Variants in FHIT observed in about 807,000 individuals in gnomAD.
The protein encoded by FHIT is bis(5'-adenosyl)-triphosphatase.
A neutral mutation model predicts 17.9 loss-of-function variants in FHIT; 19 were observed. The observed-to-expected ratio is 1.06, with a 90% CI of 0.74 to 1.56. The LOEUF (loss-of-function observed/expected upper bound fraction) is 1.56, where lower values mean the gene tolerates loss of function less well. FHIT is among the 40% of genes most tolerant of loss of function. The pLI is 0.00. For synonymous variants in FHIT, 81 were observed against 69.7 expected, an observed-to-expected ratio of 1.16 and a Z score of -0.81; for missense variants, 248 against 189.2, an observed-to-expected ratio of 1.31 and a Z score of -1.82.
chr3:60,560,799 GGA>G (rs1473205349), intron 4 of FHIT, among the ~76,000 whole-genome samples: 9 of 114,956 alleles, frequency 7.8e-5, no homozygotes, highest in African/African-American at 3.1e-4. Flanking sequence ...ACTGATGTAA[GGA>G]GACACACACA....
At chr3:60,456,945 G>C (rs888443008) in intron 5 of FHIT, among the ~76,000 whole-genome samples, 15 of 152,058 alleles carry the variant, frequency 9.9e-5, no homozygotes, top group African/African-American at 9.7e-5. Context: ...ACAAACAAAT[G>C]GAAGAACATT....
intron 4 of FHIT, among the ~76,000 whole-genome samples, chr3:60,742,941 C>A (rs1403831266): frequency 6.6e-6 from 1 of 152,202 alleles, no homozygotes; most frequent in Admixed American, 6.5e-5. Context: ...ACCTACTGAC[C>A]ATATTCATCC....
At chr3:60,731,861 TG>T (rs1338871311) in intron 4 of FHIT, among the ~76,000 whole-genome samples, 5 of 152,194 alleles carry the variant, frequency 3.3e-5, no homozygotes, top group Admixed American at 6.5e-5. Context: ...TGGTGGGATG[TG>T]GGGTGTCCCT....
intron 8 of FHIT, among the ~76,000 whole-genome samples, chr3:59,904,098 G>A (rs1409884014): frequency 8.6e-5 from 11 of 127,356 alleles, no homozygotes; most frequent in South Asian, 5.1e-4. Context: ...CCCCGCCCCC[G>A]GACAGCCAGT....
intron 3 of FHIT, among the ~76,000 whole-genome samples, chr3:61,040,169 A>G (rs953949034): frequency 6.6e-6 from 1 of 152,232 alleles, no homozygotes; most frequent in African/African-American, 2.4e-5. Context: ...TTCTCAAAAG[A>G]AAGCAAATGT....
intron 4 of FHIT, among the ~76,000 whole-genome samples, chr3:60,813,552 C>T (rs1408701978): frequency 4.6e-5 from 7 of 152,006 alleles, no homozygotes; most frequent in South Asian, 4.1e-4. Context: ...GAAGCAAACA[C>T]GTGTTGTAAA....
intron 5 of FHIT, among the ~76,000 whole-genome samples, chr3:60,222,516 C>G (rs1014059009): frequency 2.0e-4 from 31 of 152,166 alleles, no homozygotes; most frequent in Admixed American, 1.5e-3. Context: ...AAAGGCCAGG[C>G]AGGGTGGCTC....
intron 5 of FHIT, among the ~76,000 whole-genome samples, chr3:60,255,831 G>T (rs888429212): frequency 2.0e-5 from 3 of 151,730 alleles, no homozygotes; most frequent in African/African-American, 7.3e-5. Flanking sequence ...CTCCAGCCTG[G>T]GCAACAGAGC....
chr3:61,072,923 GA>G (rs1263272677), intron 2 of FHIT, among the ~76,000 whole-genome samples: 1 of 152,074 alleles, frequency 6.6e-6, no homozygotes, highest in African/African-American at 2.4e-5. Context: ...TAACAAGAAA[GA>G]AAGGGGTAAA....
At chr3:60,247,665 G>C (rs1559759418) in intron 5 of FHIT, among the ~76,000 whole-genome samples, 1 of 152,030 alleles carries the variant, frequency 6.6e-6, no homozygotes, top group Non-Finnish European at 1.5e-5. Context: ...TTTATGAATT[G>C]AACCAATGGC....
intron 5 of FHIT, among the ~76,000 whole-genome samples, chr3:60,073,165 C>G (rs1367017610): frequency 6.6e-6 from 1 of 151,972 alleles, no homozygotes; most frequent in African/African-American, 2.4e-5. Context: ...GCTTGCTAAC[C>G]ATACAGGTAA....
At chr3:60,164,540 T>C (rs112461087) in intron 5 of FHIT, among the ~76,000 whole-genome samples, 2 of 152,196 alleles carry the variant, frequency 1.3e-5, no homozygotes, top group African/African-American at 4.8e-5. Context: ...AGAGGCCCTT[T>C]TGACATTCCA....
At chr3:59,916,693 T>G (rs1205960140) in intron 8 of FHIT, among the ~76,000 whole-genome samples, 1 of 152,218 alleles carries the variant, frequency 6.6e-6, no homozygotes, top group Non-Finnish European at 1.5e-5. Flanking sequence ...CCCAGCTTTC[T>G]CATTACTAAA....
rs1217798965 is a variant in FHIT, at chr3:60,510,157, C to G, written c.103+26703G>C. 1.3e-5 allele frequency among the ~76,000 whole-genome samples: 2 copies of G among 152,128 alleles called. 1 individual carries two copies. Among genetic ancestry groups the G allele is most frequent in the South Asian group, 4.2e-4 (2 of 4,816 alleles). ...GGTCAGGTATGAAGAACACAGGAAA[C>G]CAATGGTAGCAAAAGGAAACCCAAT... On this transcript the variant is annotated intron_variant, in intron 5 of 9. Coordinates refer to ENST00000492590, the MANE Select transcript of FHIT (RefSeq NM_002012.4).
intron 5 of FHIT, among the ~76,000 whole-genome samples, chr3:60,330,680 A>G (rs187177089): frequency 6.6e-6 from 1 of 152,214 alleles, no homozygotes; most frequent in Admixed American, 6.5e-5. Flanking sequence ...AGATGTATGT[A>G]CAAGGTGGTT....
intron 2 of FHIT, among the ~76,000 whole-genome samples, chr3:61,118,431 C>A (rs2036364860): frequency 6.6e-6 from 1 of 152,114 alleles, no homozygotes; most frequent in African/African-American, 2.4e-5. Context: ...AATCCTAACA[C>A]TGGGGTCTAG....
intron 1 of FHIT, among the ~76,000 whole-genome samples, chr3:61,228,239 AG>A (rs1298495339): frequency 6.6e-6 from 1 of 152,186 alleles, no homozygotes; most frequent in Non-Finnish European, 1.5e-5. Context: ...TCTTCATAAA[AG>A]CAAGAGCTAA....
intron 2 of FHIT, among the ~76,000 whole-genome samples, chr3:61,076,101 G>A (rs2034963154): frequency 6.6e-6 from 1 of 152,158 alleles, no homozygotes; most frequent in Admixed American, 6.5e-5. Flanking sequence ...TATAAAGGTA[G>A]CAGATGAAAG....
chr3:61,239,762 C>CT lies in FHIT; in HGVS notation c.-213+11538_-213+11539insA, dbSNP rs1491095399. 3.1e-3 allele frequency among the ~76,000 whole-genome samples: 339 copies of CT among 108,280 alleles called. 9 individuals carry two copies. The highest frequency in any genetic ancestry group is 5.0e-3 in the Non-Finnish European group (294 of 58,800). The allele number at this position is 108,280 out of a possible 152,430, so 71.0% of individuals were successfully genotyped here. On this transcript the variant is annotated intron_variant, in intron 1 of 9. Transcript: ENST00000492590. Reference sequence around the variant, plus strand: ...AAAACTGCAAAGAAAAACAACTGGCCATATATATATATATATATATATACA... The same window carrying CT: ...AAAACTGCAAAGAAAAACAACTGGCCTATATATATATATATATATATATACA...
Sources: gnomAD v4.1 joint callset for allele counts (sites outside exome capture counted in the v4.1 genomes callset) on GRCh38, gnomAD v4.1.1 for gene constraint, MANE v1.5 for transcripts, NCBI Gene and HGNC (gene_info 2026-07-23, HGNC 2026-07-21) for gene names.